Variants in KIRREL3 observed in about 807,000 individuals in gnomAD.
KIRREL3 encodes kin of IRRE-like protein 3.
Under a neutral mutation model 89.7 loss-of-function variants are expected in KIRREL3, and 36 were observed. That is an observed-to-expected ratio of 0.40 (90% CI 0.31 to 0.53). The LOEUF is 0.53. KIRREL3 is among the 20% of genes least tolerant of loss of function. KIRREL3 has a pLI of 0.49. For missense variants in KIRREL3, 864 were observed against 1,056.6 expected, an observed-to-expected ratio of 0.82 and a Z score of 2.53; for synonymous variants, 445 against 441.4, an observed-to-expected ratio of 1.01 and a Z score of -0.10.
At chr11:126,720,084 T>C (rs1948113324) in intron 1 of KIRREL3, among the ~76,000 whole-genome samples, 1 of 152,242 alleles carries the variant, frequency 6.6e-6, no homozygotes, top group South Asian at 2.1e-4. Flanking sequence ...TGGTCCTTAC[T>C]ATTTTTCCTG....
At chr11:126,923,025 G>A (rs1947417398) in intron 1 of KIRREL3, among the ~76,000 whole-genome samples, 1 of 152,202 alleles carries the variant, frequency 6.6e-6, no homozygotes, top group South Asian at 2.1e-4. Flanking sequence ...TCCCATGGCA[G>A]CATGCCCTCC....
chr11:126,702,796 T>C (rs1323874702), intron 1 of KIRREL3, among the ~76,000 whole-genome samples: 2 of 151,740 alleles, frequency 1.3e-5, no homozygotes, highest in East Asian at 3.9e-4. Context: ...CTGCAGAGAG[T>C]GTGTGTGTCT....
chr11:126,789,568 C>T (rs892560763), intron 1 of KIRREL3, among the ~76,000 whole-genome samples: 3 of 152,152 alleles, frequency 2.0e-5, no homozygotes, highest in African/African-American at 7.2e-5. Context: ...TTTTTACTCT[C>T]TGGTTCCAAA....
intron 1 of KIRREL3, among the ~76,000 whole-genome samples, chr11:126,853,408 G>C (rs542403255): frequency 6.6e-6 from 1 of 152,262 alleles, no homozygotes; most frequent in East Asian, 1.9e-4. Context: ...TTTATAACAA[G>C]AAGTACATTC....
chr11:126,659,434 T>C, intron 1 of KIRREL3, among the ~76,000 whole-genome samples: 1 of 152,300 alleles, frequency 6.6e-6, no homozygotes, highest in South Asian at 2.1e-4. Context: ...GACTTGTGGG[T>C]TGCCCATGAA....
chr11:126,846,527 C>G (rs1944148561), intron 1 of KIRREL3, among the ~76,000 whole-genome samples: 1 of 152,244 alleles, frequency 6.6e-6, no homozygotes, highest in African/African-American at 2.4e-5. Flanking sequence ...AAAATAAAGA[C>G]ATTTGGTCTT....
rs1177211093 is a variant in KIRREL3, at chr11:126,772,587, C to G, written c.56-209675G>C. 6.6e-6 allele frequency among the ~76,000 whole-genome samples: 1 copy of G among 152,190 alleles called. No individual in the cohort carries two copies. The highest frequency in any genetic ancestry group is 1.9e-4 in the East Asian group (1 of 5,196). Reference sequence around the variant, plus strand: ...AGTGGGAAGGGCAGATGAGCAGAATCAACGTGGGCAGGAAAGAGCAAAGGC... The same window carrying G: ...AGTGGGAAGGGCAGATGAGCAGAATGAACGTGGGCAGGAAAGAGCAAAGGC... On this transcript the variant is annotated intron_variant, in intron 1 of 16. Coordinates refer to ENST00000525144, the MANE Select transcript of KIRREL3 (RefSeq NM_032531.4). This position sits in a 1 kb window ranked among gnomAD's most constrained non-coding sequence, Gnocchi z 4.6.
At chr11:126,671,856 T>C (rs1299170100) in intron 1 of KIRREL3, among the ~76,000 whole-genome samples, 1 of 152,070 alleles carries the variant, frequency 6.6e-6, no homozygotes, top group Middle Eastern at 3.2e-3. Flanking sequence ...CTTTGGAAAA[T>C]AGTTTTGAGA....
chr11:126,438,002 A>G (rs376578171), intron 11 of KIRREL3, among the ~76,000 whole-genome samples: 248 of 152,316 alleles, frequency 1.6e-3, no homozygotes, highest in Admixed American at 3.1e-3. Context: ...CATGTACACA[A>G]TCCACAAACA....
chr11:126,591,990 C>T (rs1697721045), intron 1 of KIRREL3, among the ~76,000 whole-genome samples: 1 of 152,142 alleles, frequency 6.6e-6, no homozygotes, highest in South Asian at 2.1e-4. Context: ...TCACATCCTT[C>T]AGGGTGCAGT....
intron 4 of KIRREL3, among the ~76,000 whole-genome samples, chr11:126,481,477 C>T (rs1421447872): frequency 6.6e-6 from 1 of 152,186 alleles, no homozygotes; most frequent in African/African-American, 2.4e-5. Context: ...CACGGGCCTT[C>T]GAAGCTCAGC....
At position 126,527,060 on chromosome 11, in the gene KIRREL3, G is replaced by GGAGA. The variant is rs376238878; in HGVS notation, c.134-377_134-374dup. On this transcript the variant is annotated intron_variant, in intron 2 of 16. Transcript: ENST00000525144. The surrounding 1 kb of genome is among the most constrained non-coding windows in gnomAD (Gnocchi z 4.2). Reference sequence around the variant, plus strand: ...GCAGTCCCACACCAGGGCAGAAACAGGAGAGAGAGAGAGAGACCTCTAGCT... The same window carrying GGAGA: ...GCAGTCCCACACCAGGGCAGAAACAGGAGAGAGAGAGAGAGAGAGACCTCTAGCT... Among the ~76,000 whole-genome samples the GGAGA allele has an allele frequency of 5.9e-5, 9 of 151,908 alleles. No individual in the cohort carries two copies. Among genetic ancestry groups the GGAGA allele is most frequent in the Non-Finnish European group, 1.3e-4 (9 of 67,948 alleles).
At position 126,844,190 on chromosome 11, in the gene KIRREL3, G is replaced by T. The variant is rs1211402587; in HGVS notation, c.55+156265C>A. ...ACCCCCAATCCAAAGGCTAACTTTGGGTAAGTGGTGGGGGTCCGGTAACAT... is the reference window on the plus strand; with the variant it reads ...ACCCCCAATCCAAAGGCTAACTTTGTGTAAGTGGTGGGGGTCCGGTAACAT... On this transcript the variant is annotated intron_variant, in intron 1 of 16. Coordinates refer to ENST00000525144, the MANE Select transcript of KIRREL3 (RefSeq NM_032531.4). This position sits in a 1 kb window ranked among gnomAD's most constrained non-coding sequence, Gnocchi z 4.8. Among the ~76,000 whole-genome samples, 1 of 152,126 alleles carries T rather than the reference G, an allele frequency of 6.6e-6. No homozygotes were observed. The highest frequency in any genetic ancestry group is 6.5e-5 in the Admixed American group (1 of 15,278).
chr11:126,760,050 A>G (rs756078180), intron 1 of KIRREL3, among the ~76,000 whole-genome samples: 1 of 152,178 alleles, frequency 6.6e-6, no homozygotes, highest in Non-Finnish European at 1.5e-5. Flanking sequence ...GATCTAGCAC[A>G]GTTTTCTTCT....
intron 1 of KIRREL3, among the ~76,000 whole-genome samples, chr11:126,845,720 T>C (rs759343318): frequency 1.2e-4 from 19 of 152,198 alleles, no homozygotes; most frequent in Non-Finnish European, 2.2e-4. Context: ...TACCATTTGT[T>C]TATTCTCTTC....
Position 126,781,749 on chromosome 11 carries a change from C to T in KIRREL3, c.55+218706G>A, listed in dbSNP as rs1331398875. 2.6e-5 allele frequency among the ~76,000 whole-genome samples: 4 copies of T among 152,106 alleles called. No homozygotes were observed. The East Asian group carries it at 5.8e-4, about 22-fold the overall frequency. ...ACACCAAAGGGCTCTGTGGGCCACC[C>T]GGCTCACCCACTTTGATTTACCATC... On this transcript the variant is annotated intron_variant, in intron 1 of 16. Coordinates refer to ENST00000525144, the MANE Select transcript of KIRREL3 (RefSeq NM_032531.4).
chr11:126,816,312 A>G (rs1236712515), intron 1 of KIRREL3, among the ~76,000 whole-genome samples: 1 of 152,218 alleles, frequency 6.6e-6, no homozygotes, highest in East Asian at 1.9e-4. Flanking sequence ...TGCATAGACA[A>G]TAGGTGAACT....
In KIRREL3 at chr11:126,993,537, ACT is replaced by A. The variant is rs1950097575; in HGVS notation, c.55+6916_55+6917del. Among the ~76,000 whole-genome samples the A allele has an allele frequency of 6.6e-6, 1 of 152,174 alleles. No homozygotes were observed. Among genetic ancestry groups the A allele is most frequent in the African/African-American group, 2.4e-5 (1 of 41,434 alleles). On this transcript the variant is annotated intron_variant, in intron 1 of 16. Transcript: ENST00000525144. The surrounding 1 kb of genome is among the most constrained non-coding windows in gnomAD (Gnocchi z 6.1). ...TTGCTGATCCACCTGTTTTCAGAAC[ACT>A]CTGACAGCTCTGAACCCATCATATT...
intron 1 of KIRREL3, among the ~76,000 whole-genome samples, chr11:126,726,977 C>T (rs183307025): frequency 1.8e-4 from 27 of 152,314 alleles, no homozygotes; most frequent in Admixed American, 1.5e-3. Flanking sequence ...TTCTCTGAGC[C>T]GCCTTACCCT....
Sources: gnomAD v4.1 joint callset for allele counts (sites outside exome capture counted in the v4.1 genomes callset) on GRCh38, gnomAD v4.1.1 for gene constraint, Gnocchi (gnomAD v3.1) non-coding constraint, MANE v1.5 for transcripts, NCBI Gene and HGNC (gene_info 2026-07-23, HGNC 2026-07-21) for gene names.